Variants in SLC9A9 observed in about 807,000 individuals in gnomAD.
SLC9A9 encodes sodium/hydrogen exchanger 9.
In SLC9A9, 62 loss-of-function variants were observed where a neutral mutation model predicts 77.8. That is an observed-to-expected ratio of 0.80 (90% CI 0.65 to 0.98). The LOEUF (loss-of-function observed/expected upper bound fraction) is 0.98, where lower values mean the gene tolerates loss of function less well. Ranked by LOEUF, SLC9A9 falls within the 50% of genes least tolerant of loss-of-function variation. The pLI is 0.00. For missense variants in SLC9A9, 775 were observed against 774.9 expected (o/e 1.00, Z 0.00); for synonymous variants, 320 against 283.5 (o/e 1.13, Z -1.29).
At chr3:143,812,923 T>C (rs1447778769) in intron 2 of SLC9A9, among the ~76,000 whole-genome samples, 1 of 152,202 alleles carries the variant, frequency 6.6e-6, no homozygotes, top group Non-Finnish European at 1.5e-5. Flanking sequence ...TTAAAGCATT[T>C]GGCATATGTT....
At chr3:143,458,732 T>C (rs2035136688) in intron 12 of SLC9A9, among the ~76,000 whole-genome samples, 1 of 152,052 alleles carries the variant, frequency 6.6e-6, no homozygotes. Flanking sequence ...ACTTTCCTTT[T>C]TGAGAACCCC....
chr3:143,756,970 T>C (rs1463947845), intron 4 of SLC9A9, among the ~76,000 whole-genome samples: 1 of 152,192 alleles, frequency 6.6e-6, no homozygotes, highest in Non-Finnish European at 1.5e-5. Flanking sequence ...AGAAAACGCA[T>C]AAATCATGTA....
chr3:143,789,705 C>T (rs1430679896), intron 4 of SLC9A9, among the ~76,000 whole-genome samples: 1 of 151,872 alleles, frequency 6.6e-6, no homozygotes, highest in Non-Finnish European at 1.5e-5. Context: ...TCTCAAGGTC[C>T]CCAGTTGAGC....
At position 143,826,927 on chromosome 3, in the gene SLC9A9, T is replaced by A. The variant is rs1318510501; in HGVS notation, c.378+5092A>T. ...GTCCCACTTTTTTGATACGTGCCTT[T>A]AGTGTTACTCATTCATTTATTCATA... On this transcript the variant is annotated intron_variant, in intron 2 of 15. Transcript: ENST00000316549. Among the ~76,000 whole-genome samples the A allele has an allele frequency of 2.0e-5, 3 of 152,200 alleles. No individual in the cohort carries two copies. In the East Asian group the frequency reaches 5.8e-4, roughly 29 times the overall value.
intron 12 of SLC9A9, among the ~76,000 whole-genome samples, chr3:143,382,425 AAC>A (rs1422810178): frequency 6.6e-6 from 1 of 152,072 alleles, no homozygotes; most frequent in Non-Finnish European, 1.5e-5. Context: ...TAGCCCCAAA[AAC>A]ACACATTCTG....
chr3:143,269,038 G>A (rs2108395816), intron 14 of SLC9A9, 58 bp from the exon 15 acceptor site: 6 of 1,271,828 alleles, frequency 4.7e-6, no homozygotes, highest in Non-Finnish European at 4.6e-6. Flanking sequence ...GGAATCTTAC[G>A]CTGCACAAAC....
chr3:143,383,466 T>C (rs77248759), intron 12 of SLC9A9, among the ~76,000 whole-genome samples: 1 of 144,266 alleles, frequency 6.9e-6, no homozygotes, highest in African/African-American at 2.6e-5. Flanking sequence ...ATCAGAGAAG[T>C]ATGAGGAAAA....
chr3:143,446,232 G>A (rs2034838908), intron 12 of SLC9A9, among the ~76,000 whole-genome samples: 1 of 151,912 alleles, frequency 6.6e-6, no homozygotes. Context: ...TAGAAGGGGG[G>A]GCCCTAACTG....
chr3:143,686,091 C>G (rs553282433), intron 5 of SLC9A9, among the ~76,000 whole-genome samples: 1 of 152,150 alleles, frequency 6.6e-6, no homozygotes, highest in Non-Finnish European at 1.5e-5. Flanking sequence ...CCATGAGACA[C>G]CTCATCCGCG....
At chr3:143,802,953 C>G (rs1468433108) in intron 2 of SLC9A9, among the ~76,000 whole-genome samples, 1 of 152,160 alleles carries the variant, frequency 6.6e-6, no homozygotes, top group Non-Finnish European at 1.5e-5. Flanking sequence ...AGTCCTCCAG[C>G]AGGCTAGACA....
At chr3:143,710,316 A>G (rs1215123524) in intron 4 of SLC9A9, among the ~76,000 whole-genome samples, 7 of 152,234 alleles carry the variant, frequency 4.6e-5, no homozygotes, top group Non-Finnish European at 7.3e-5. Flanking sequence ...CTGTGCACGC[A>G]CACGCAGCTA....
chr3:143,789,696 C>T (rs1469095074), intron 4 of SLC9A9, among the ~76,000 whole-genome samples: 23 of 152,038 alleles, frequency 1.5e-4, no homozygotes, highest in Admixed American at 1.5e-3. Context: ...GCACTTAGGT[C>T]TCAAGGTCCC....
At chr3:143,307,113 G>T (rs1178026801) in intron 14 of SLC9A9, among the ~76,000 whole-genome samples, 1 of 152,206 alleles carries the variant, frequency 6.6e-6, no homozygotes, top group African/African-American at 2.4e-5. Flanking sequence ...CTCAGTGATT[G>T]CCTGGTTTAG....
At chr3:143,336,743 G>T (rs2108459747) in intron 14 of SLC9A9, among the ~76,000 whole-genome samples, 1 of 152,220 alleles carries the variant, frequency 6.6e-6, no homozygotes, top group East Asian at 1.9e-4. Flanking sequence ...TAGGGTAGGG[G>T]GAAATGGGGA....
chr3:143,803,301 A>G (rs892003751), intron 2 of SLC9A9, among the ~76,000 whole-genome samples: 1 of 151,996 alleles, frequency 6.6e-6, no homozygotes, highest in African/African-American at 2.4e-5. Flanking sequence ...AGCCTAATAC[A>G]TCCCTTCATT....
chr3:143,395,604 T>C (rs1553750717), intron 12 of SLC9A9, among the ~76,000 whole-genome samples: 3 of 152,208 alleles, frequency 2.0e-5, no homozygotes, highest in Non-Finnish European at 4.4e-5. Flanking sequence ...AAATGGGATC[T>C]AATTAAATTA....
chr3:143,534,176 A>G (rs1475780755), intron 9 of SLC9A9, among the ~76,000 whole-genome samples: 1 of 152,258 alleles, frequency 6.6e-6, no homozygotes, highest in Non-Finnish European at 1.5e-5. Context: ...ATAATGTTTC[A>G]TGAATCAGGC....
chr3:143,301,842 C>G (rs1218488325), intron 14 of SLC9A9, among the ~76,000 whole-genome samples: 1 of 152,180 alleles, frequency 6.6e-6, no homozygotes, highest in African/African-American at 2.4e-5. Context: ...GAAAAGCTTT[C>G]TTTTTCTGGT....
intron 5 of SLC9A9, among the ~76,000 whole-genome samples, chr3:143,654,121 G>C (rs909957115): frequency 3.3e-5 from 5 of 152,128 alleles, no homozygotes; most frequent in African/African-American, 1.2e-4. Context: ...AAATTGCTGA[G>C]AGAGCAGATT....
Sources: allele counts gnomAD v4.1 joint callset (sites outside exome capture counted in the v4.1 genomes callset), GRCh38; gene constraint gnomAD v4.1.1; transcripts MANE v1.5; gene names NCBI Gene and HGNC (gene_info 2026-07-23, HGNC 2026-07-21).